Variants in PPP2R2B observed in about 807,000 individuals in gnomAD.
PPP2R2B encodes the protein serine/threonine-protein phosphatase 2A 55 kDa regulatory subunit B beta isoform.
Under a neutral mutation model 46.0 loss-of-function variants are expected in PPP2R2B, and 5 were observed. The ratio of observed to expected loss-of-function variants is 0.11; its 90% CI spans 0.06 to 0.23. The LOEUF is 0.23. Among genes scored for constraint, PPP2R2B ranks in the 10% least tolerant of loss-of-function variants. PPP2R2B has a pLI of 1.00. For synonymous variants in PPP2R2B, 215 were observed against 206.7 expected (o/e 1.04, Z -0.34); for missense variants, 367 against 575.0 (o/e 0.64, Z 3.70).
chr5:146,940,299 T>A (rs189878707), intron 1 of PPP2R2B, among the ~76,000 whole-genome samples: 1 of 152,192 alleles, frequency 6.6e-6, no homozygotes, highest in Non-Finnish European at 1.5e-5. Context: ...CACATCTACT[T>A]GGCCAGGATA....
intron 5 of PPP2R2B, among the ~76,000 whole-genome samples, chr5:146,682,449 C>T (rs1365842122): frequency 3.3e-5 from 5 of 152,196 alleles, no homozygotes; most frequent in Non-Finnish European, 7.3e-5. Context: ...ATCAGCCCAA[C>T]CTCTGTAAGA....
At chr5:146,775,803 CA>C (rs1402773804) in intron 2 of PPP2R2B, among the ~76,000 whole-genome samples, 1 of 152,056 alleles carries the variant, frequency 6.6e-6, no homozygotes, top group Admixed American at 6.6e-5. Flanking sequence ...TACAAATCAA[CA>C]ACAAAAGAAG....
At chr5:146,632,776 T>C (rs322496) in intron 7 of PPP2R2B, among the ~76,000 whole-genome samples, 20,223 of 151,990 alleles carry the variant, frequency 0.13, 2,628 homozygotes, top group African/African-American at 0.33. Context: ...AGGTAGAGTG[T>C]GTGGGGGGCA....
At chr5:146,856,444 A>T (rs1760671175) in intron 2 of PPP2R2B, 3 of 1,341,168 alleles carry the variant, frequency 2.2e-6, no homozygotes, top group Non-Finnish European at 3.2e-6. Context: ...ACTATTTAAC[A>T]CTTCTATACT....
At chr5:146,887,944 A>G (rs897052988) in intron 1 of PPP2R2B, among the ~76,000 whole-genome samples, 48 of 152,308 alleles carry the variant, frequency 3.2e-4, no homozygotes, top group Admixed American at 3.3e-4. Context: ...TGAATTAGGT[A>G]TTCCATTGTC....
chr5:146,964,182 G>A lies in PPP2R2B; in HGVS notation c.79+91483C>T, dbSNP rs185894778. ...AACATGAGATTCCACGGCTAAATAC[G>A]TCAGAAAACTGAGAAAACAAAAATT... On this transcript the variant is annotated intron_variant, in intron 1 of 8. Transcript: ENST00000336640. Among the ~76,000 whole-genome samples the A allele has an allele frequency of 3.3e-5, 5 of 152,240 alleles. No individual in the cohort carries two copies. The East Asian group carries it at 7.7e-4, about 24-fold the overall frequency.
intron 1 of PPP2R2B, among the ~76,000 whole-genome samples, chr5:147,039,118 C>T (rs1267574940): frequency 1.2e-4 from 18 of 152,296 alleles, no homozygotes; most frequent in Admixed American, 9.8e-4. Flanking sequence ...CTGGGCTCTT[C>T]GCATTGCTGA....
At chr5:146,742,244 A>G (rs760766302) in intron 2 of PPP2R2B, among the ~76,000 whole-genome samples, 3 of 152,134 alleles carry the variant, frequency 2.0e-5, no homozygotes, top group African/African-American at 7.2e-5. Flanking sequence ...GGGCTTTTTA[A>G]TAAATCTAAA....
At chr5:147,009,665 A>T (rs1218790323) in intron 1 of PPP2R2B, among the ~76,000 whole-genome samples, 1 of 152,124 alleles carries the variant, frequency 6.6e-6, no homozygotes, top group Non-Finnish European at 1.5e-5. Context: ...AGAAAAACTG[A>T]AAACCTAAAG....
At chr5:146,647,427 C>T (rs868645278) in intron 6 of PPP2R2B, among the ~76,000 whole-genome samples, 1 of 152,144 alleles carries the variant, frequency 6.6e-6, no homozygotes, top group Non-Finnish European at 1.5e-5. Flanking sequence ...GGCTATACTT[C>T]AGTGATGAGA....
At chr5:146,954,063 A>G (rs1751757317) in intron 1 of PPP2R2B, among the ~76,000 whole-genome samples, 1 of 151,978 alleles carries the variant, frequency 6.6e-6, no homozygotes, top group African/African-American at 2.4e-5. Flanking sequence ...TTCCCTATAA[A>G]TACCACATTA....
chr5:146,989,858 C>A (rs952881811), intron 1 of PPP2R2B, among the ~76,000 whole-genome samples: 7 of 151,718 alleles, frequency 4.6e-5, no homozygotes, highest in Non-Finnish European at 8.8e-5. Flanking sequence ...CCTAAAGACT[C>A]CACTAAAAAA....
intron 2 of PPP2R2B, among the ~76,000 whole-genome samples, chr5:146,744,144 T>C (rs73793245): frequency 0.02 from 3,029 of 152,300 alleles, 87 homozygotes; most frequent in African/African-American, 0.066. Flanking sequence ...CTTTTCATAA[T>C]ATTTAAAAAT....
At chr5:146,915,078 C>T (rs1245789929) in intron 1 of PPP2R2B, among the ~76,000 whole-genome samples, 1 of 152,062 alleles carries the variant, frequency 6.6e-6, no homozygotes, top group East Asian at 1.9e-4. Context: ...TACTACATTG[C>T]TCTCAGATAT....
intron 2 of PPP2R2B, among the ~76,000 whole-genome samples, chr5:146,708,584 C>G (rs1055339063): frequency 6.6e-6 from 1 of 151,910 alleles, no homozygotes; most frequent in Non-Finnish European, 1.5e-5. Flanking sequence ...GACAATTCTT[C>G]CAAAAGAAGT....
chr5:146,860,625 C>T (rs1388456685), intron 2 of PPP2R2B, among the ~76,000 whole-genome samples: 1 of 152,168 alleles, frequency 6.6e-6, no homozygotes, highest in African/African-American at 2.4e-5. Flanking sequence ...ACTGACTAAA[C>T]ATTTTAAAAC....
At position 146,988,134 on chromosome 5, in the gene PPP2R2B, A is replaced by G. The variant is rs187167685; in HGVS notation, c.79+67531T>C. Among the ~76,000 whole-genome samples the G allele has an allele frequency of 4.2e-3, 634 of 152,098 alleles. 3 individuals carry two copies. Among genetic ancestry groups the G allele is most frequent in the African/African-American group, 0.014 (602 of 41,568 alleles). Reference sequence around the variant, plus strand: ...AATTATATAAAGCAAATATTAACAGACCTAAAGGAAGAAATTGACTGCAAT... The same window carrying G: ...AATTATATAAAGCAAATATTAACAGGCCTAAAGGAAGAAATTGACTGCAAT... On this transcript the variant is annotated intron_variant, in intron 1 of 8. Coordinates refer to the PPP2R2B transcript ENST00000336640.
rs144464401 is a variant in PPP2R2B, at chr5:146,828,947, T to G, written c.70+49055A>C. On this transcript the variant is annotated intron_variant, in intron 2 of 9. Coordinates refer to ENST00000394411, the MANE Select transcript of PPP2R2B (RefSeq NM_181675.4). Reference sequence around the variant, plus strand: ...AATTTGGCTATTATTCAAGGAAAAATAAACTTTGATACAGGACAGCCTTCC... The same window carrying G: ...AATTTGGCTATTATTCAAGGAAAAAGAAACTTTGATACAGGACAGCCTTCC... Among the ~76,000 whole-genome samples the G allele has an allele frequency of 2.1e-3, 326 of 152,184 alleles. 1 individual carries two copies. The highest frequency in any genetic ancestry group is 7.6e-3 in the African/African-American group (317 of 41,530).
intron 2 of PPP2R2B, among the ~76,000 whole-genome samples, chr5:146,815,948 T>G (rs948675653): frequency 6.6e-6 from 1 of 152,200 alleles, no homozygotes; most frequent in Non-Finnish European, 1.5e-5. Flanking sequence ...TCTTTTCTGT[T>G]TGATTTCCCT....
Sources: allele counts gnomAD v4.1 joint callset (sites outside exome capture counted in the v4.1 genomes callset), GRCh38; gene constraint gnomAD v4.1.1; transcripts MANE v1.5; gene names NCBI Gene and HGNC (gene_info 2026-07-23, HGNC 2026-07-21).